STXBP5L: variants seen among roughly 807,000 people sequenced by gnomAD.
STXBP5L encodes syntaxin-binding protein 5-like.
Under a neutral mutation model 144.5 loss-of-function variants are expected in STXBP5L, and 65 were observed. The ratio of observed to expected loss-of-function variants is 0.45; its 90% CI spans 0.37 to 0.55. STXBP5L has a LOEUF of 0.55. Among genes scored for constraint, STXBP5L ranks in the 20% least tolerant of loss-of-function variants. The pLI is 0.00. For synonymous variants in STXBP5L, 505 were observed against 469.6 expected, an observed-to-expected ratio of 1.08 and a Z score of -0.97; for missense variants, 1,298 against 1,405.5, an observed-to-expected ratio of 0.92 and a Z score of 1.22.
At chr3:120,961,099 T>C (rs1938740753) in intron 3 of STXBP5L, among the ~76,000 whole-genome samples, 1 of 152,124 alleles carries the variant, frequency 6.6e-6, no homozygotes, top group African/African-American at 2.4e-5. Context: ...AGTTTTAAAA[T>C]TTGTTGGTGC....
At position 121,187,423 on chromosome 3, in the gene STXBP5L, G is replaced by T. The variant is rs2047435174; in HGVS notation, c.878-18500G>T. Among the ~76,000 whole-genome samples, 3 of 136,740 alleles carry T rather than the reference G, an allele frequency of 2.2e-5. No homozygotes were observed. In the South Asian group the frequency reaches 8.4e-4, roughly 38 times the overall value. The allele number at this position is 136,740 out of a possible 152,430, so 89.7% of individuals were successfully genotyped here. A position where few individuals can be genotyped will look rare whatever the true frequency, so the allele number is the denominator to read the frequency against. Reference sequence around the variant, plus strand: ...TTGTAGGGTGGGGGGAGCGGGGAGGGGGGAGGGATAGCATTAGGAGATACA... The same window carrying T: ...TTGTAGGGTGGGGGGAGCGGGGAGGTGGGAGGGATAGCATTAGGAGATACA... On this transcript the variant is annotated intron_variant, in intron 9 of 26. Coordinates refer to ENST00000471454, the MANE Select transcript of STXBP5L (RefSeq NM_001308330.2).
intron 7 of STXBP5L, among the ~76,000 whole-genome samples, chr3:121,127,260 GC>G (rs2044751350): frequency 6.6e-6 from 1 of 152,056 alleles, no homozygotes; most frequent in Non-Finnish European, 1.5e-5. Flanking sequence ...TAAAGTCAGA[GC>G]CCTGATAAGG....
intron 5 of STXBP5L, among the ~76,000 whole-genome samples, chr3:121,086,583 C>T (rs1272878945): frequency 6.6e-6 from 1 of 152,024 alleles, no homozygotes; most frequent in African/African-American, 2.4e-5. Flanking sequence ...GTTGTGCATT[C>T]CTTATCCAAA....
rs557525849 is a variant in STXBP5L at position 121,340,505 on chromosome 3, C to T, written c.2176+21965C>T. ...CAGCCTCCCACCCCCCGACAGGCCC[C>T]GGTGTGTGATATTCCCCGCCCCATG... On this transcript the variant is annotated intron_variant, in intron 20 of 26. Transcript: ENST00000471454. Among the ~76,000 whole-genome samples, 8 of 150,924 alleles carry T rather than the reference C, an allele frequency of 5.3e-5. No homozygotes were observed. In the East Asian group the frequency reaches 7.9e-4, roughly 15 times the overall value.
At chr3:121,339,927 C>A (rs535485530) in intron 20 of STXBP5L, among the ~76,000 whole-genome samples, 1 of 151,822 alleles carries the variant, frequency 6.6e-6, no homozygotes, top group Non-Finnish European at 1.5e-5. Context: ...AATGGAAATA[C>A]GTGTCATGCT....
Position 121,418,379 on chromosome 3 carries a change from A to G in STXBP5L, c.3269A>G (p.Gln1090Arg), listed in dbSNP as rs1228077701. ...SAGKASRSLA[Q>R]HIPGPGSIEG... ...GGAAAAGCATCCCGCAGCCTTGCGCAACACATTCCTGGACCAGGTAGTATA... is the reference window on the plus strand; with the variant it reads ...GGAAAAGCATCCCGCAGCCTTGCGCGACACATTCCTGGACCAGGTAGTATA... Residue 1090 changes from glutamine (Q) to arginine (R), a missense_variant, in exon 26 of 27, where the codon CAA becomes CGA. Transcript: ENST00000471454. 6.2e-7 allele frequency: 1 copy of G among 1,614,042 alleles called. No individual in the cohort carries two copies.
chr3:121,229,372 A>AT (rs1285556113), intron 11 of STXBP5L, among the ~76,000 whole-genome samples: 1 of 151,986 alleles, frequency 6.6e-6, no homozygotes, highest in Non-Finnish European at 1.5e-5. Flanking sequence ...AATAAAAGAC[A>AT]TTTTTTTCTC....
intron 4 of STXBP5L, among the ~76,000 whole-genome samples, chr3:121,043,291 A>G (rs901550708): frequency 6.6e-6 from 1 of 152,042 alleles, no homozygotes; most frequent in Non-Finnish European, 1.5e-5. Context: ...CTTTGTTTTT[A>G]TAAATGAACC....
intron 5 of STXBP5L, among the ~76,000 whole-genome samples, chr3:121,109,755 A>G (rs2043890442): frequency 6.6e-6 from 1 of 152,178 alleles, no homozygotes; most frequent in African/African-American, 2.4e-5. Context: ...GCTGAGTTTG[A>G]GTCCTGAAGA....
chr3:121,370,490 G>A (rs573253717), intron 20 of STXBP5L, among the ~76,000 whole-genome samples: 11 of 152,292 alleles, frequency 7.2e-5, no homozygotes, highest in East Asian at 1.9e-4. Context: ...TGTACAGCCC[G>A]AAGAACCATG....
At chr3:121,273,468 T>A (rs1335016898) in intron 18 of STXBP5L, among the ~76,000 whole-genome samples, 2 of 152,160 alleles carry the variant, frequency 1.3e-5, no homozygotes, top group African/African-American at 4.8e-5. Flanking sequence ...TTGATTATAA[T>A]GTGTCTGTGT....
intron 9 of STXBP5L, among the ~76,000 whole-genome samples, chr3:121,203,921 A>C (rs1470980385): frequency 6.6e-6 from 1 of 152,004 alleles, no homozygotes; most frequent in Non-Finnish European, 1.5e-5. Flanking sequence ...AGTAATCTCC[A>C]ACCATCTATT....
At chr3:121,133,744 T>C (rs559486706) in intron 7 of STXBP5L, among the ~76,000 whole-genome samples, 1 of 152,334 alleles carries the variant, frequency 6.6e-6, no homozygotes, top group Admixed American at 6.5e-5. Context: ...AAAAGAGATT[T>C]AATTGACTCA....
intron 5 of STXBP5L, among the ~76,000 whole-genome samples, chr3:121,066,538 C>A (rs1010060982): frequency 6.6e-6 from 1 of 151,872 alleles, no homozygotes; most frequent in East Asian, 1.9e-4. Flanking sequence ...TGTTAGATGA[C>A]CCTTGCATTC....
At chr3:121,108,021 T>C (rs1442464976) in intron 5 of STXBP5L, among the ~76,000 whole-genome samples, 1 of 152,188 alleles carries the variant, frequency 6.6e-6, no homozygotes, top group Non-Finnish European at 1.5e-5. Context: ...GCTTGTCTGT[T>C]GTTGGTATAT....
intron 4 of STXBP5L, among the ~76,000 whole-genome samples, chr3:121,044,769 T>C (rs369357056): frequency 3.3e-5 from 5 of 152,170 alleles, no homozygotes; most frequent in African/African-American, 9.6e-5. Flanking sequence ...CATTAAGAGG[T>C]AGAAAATATC....
At position 121,043,921 on chromosome 3, in the gene STXBP5L, C is replaced by T. The variant is rs1304161670; in HGVS notation, c.370-1514C>T. Among the ~76,000 whole-genome samples the T allele has an allele frequency of 3.9e-5, 6 of 152,256 alleles. 1 individual carries two copies. The South Asian group carries it at 1.0e-3, about 26-fold the overall frequency. On this transcript the variant is annotated intron_variant, in intron 4 of 26. Coordinates refer to ENST00000471454, the MANE Select transcript of STXBP5L (RefSeq NM_001308330.2). ...TCACCCCATCTCAGGTGAACTTCCA[C>T]CTCTCTGAGAAATGAGACCAGTATA...
At chr3:121,188,054 C>A (rs990283215) in intron 9 of STXBP5L, among the ~76,000 whole-genome samples, 1 of 152,194 alleles carries the variant, frequency 6.6e-6, no homozygotes, top group East Asian at 1.9e-4. Flanking sequence ...TAGATACTTA[C>A]AAAGAGACTT....
rs1294900758 is a variant in STXBP5L at position 120,971,222 on chromosome 3, TTTTA to T, written c.287+16194_287+16197del. Among the ~76,000 whole-genome samples the T allele has an allele frequency of 5.3e-5, 8 of 152,140 alleles. No individual in the cohort carries two copies. The East Asian group carries it at 5.8e-4, about 11-fold the overall frequency. On this transcript the variant is annotated intron_variant, in intron 3 of 26. Coordinates refer to ENST00000471454, the MANE Select transcript of STXBP5L (RefSeq NM_001308330.2). Reference sequence around the variant, plus strand: ...TGGTACCAGTCAGTTGCTTTTACAATTTTATTTATTTAAGAAAATTTTTTTGTAA... The same window carrying T: ...TGGTACCAGTCAGTTGCTTTTACAATTTTATTTAAGAAAATTTTTTTGTAA...
Sources: allele counts gnomAD v4.1 joint callset (sites outside exome capture counted in the v4.1 genomes callset), GRCh38; gene constraint gnomAD v4.1.1; transcripts MANE v1.5; gene names NCBI Gene and HGNC (gene_info 2026-07-23, HGNC 2026-07-21).